The following SMC1B variants were observed in gnomAD, a reference collection of about 807,000 sequenced individuals.
SMC1B encodes the protein structural maintenance of chromosomes 1B.
Under a neutral mutation model 157.9 loss-of-function variants are expected in SMC1B, and 60 were observed. That is an observed-to-expected ratio of 0.38 (90% CI 0.31 to 0.47). The LOEUF is 0.47. Among genes scored for constraint, SMC1B ranks in the 20% least tolerant of loss-of-function variants. SMC1B has a pLI of 0.99. For synonymous variants in SMC1B, 445 were observed against 483.0 expected, an observed-to-expected ratio of 0.92 and a Z score of 1.03; for missense variants, 1,165 against 1,426.2, an observed-to-expected ratio of 0.82 and a Z score of 2.95.
intron 20 of SMC1B, 71 bp downstream of exon 20, chr22:45,354,888 T>C (rs756950357): frequency 1.7e-5 from 25 of 1,443,156 alleles, no homozygotes; most frequent in African/African-American, 2.8e-5. Context: ...AGAGGGGAGA[T>C]TGTTGGCAAA....
intron 5 of SMC1B, among the ~76,000 whole-genome samples, chr22:45,400,631 G>A (rs1308645106): frequency 1.3e-5 from 2 of 152,108 alleles, no homozygotes; most frequent in Non-Finnish European, 2.9e-5. Flanking sequence ...CCTTAAGTGT[G>A]GGCTAAGCAT....
intron 19 of SMC1B, among the ~76,000 whole-genome samples, chr22:45,358,092 T>G (rs1325723119): frequency 6.6e-6 from 1 of 152,188 alleles, no homozygotes; most frequent in East Asian, 1.9e-4. Context: ...AGCTTCCAGG[T>G]TGGTGACCAC....
intron 12 of SMC1B, among the ~76,000 whole-genome samples, chr22:45,381,329 G>A (rs1002431568): frequency 1.3e-5 from 2 of 152,012 alleles, no homozygotes; most frequent in African/African-American, 4.8e-5. Flanking sequence ...ATACCTGAGG[G>A]TCAGTAATTA....
intron 4 of SMC1B, 70 bp downstream of exon 4, chr22:45,406,390 A>G (rs1479062410): frequency 7.8e-7 from 1 of 1,276,156 alleles, no homozygotes; most frequent in East Asian, 2.3e-5. Context: ...GCCCAAGCCC[A>G]TACCTAGTGA....
chr22:45,353,923 A>AAAAAAC (rs1260500469), intron 21 of SMC1B, 55 bp downstream of exon 21: 3 of 1,036,910 alleles, frequency 2.9e-6, no homozygotes, highest in African/African-American at 1.6e-5. Context: ...AAAAAAAACA[A>AAAAAAC]CCACCACCGG....
At chr22:45,374,182 A>T (rs952890253) in intron 12 of SMC1B, among the ~76,000 whole-genome samples, 10 of 151,258 alleles carry the variant, frequency 6.6e-5, no homozygotes, top group Non-Finnish European at 1.2e-4. Flanking sequence ...TAGTCCTAGA[A>T]TAAAATGACT....
chr22:45,391,697 T>C (rs747470637), intron 9 of SMC1B, among the ~76,000 whole-genome samples: 1 of 152,188 alleles, frequency 6.6e-6, no homozygotes, highest in Non-Finnish European at 1.5e-5. Context: ...TTGTAAGGGA[T>C]TGGATGGTAG....
At chr22:45,345,425 G>T in intron 24 of SMC1B, 34 bp downstream of exon 24, 1 of 1,407,232 alleles carries the variant, frequency 7.1e-7, no homozygotes, top group Non-Finnish European at 1.0e-6. Flanking sequence ...AGTTGGCATT[G>T]GGTACACTCC....
At chr22:45,345,918 T>G (rs1012919106) in intron 23 of SMC1B, among the ~76,000 whole-genome samples, 1 of 152,072 alleles carries the variant, frequency 6.6e-6, no homozygotes, top group African/African-American at 2.4e-5. Context: ...ACGTATAACC[T>G]CCAGGCTGGG....
chr22:45,381,076 G>A (rs1324476513), intron 12 of SMC1B, among the ~76,000 whole-genome samples: 3 of 151,814 alleles, frequency 2.0e-5, no homozygotes, highest in Non-Finnish European at 2.9e-5. Context: ...GATTACAGGC[G>A]TGAGCTACCA....
At chr22:45,371,109 A>T (rs1415986508) in intron 14 of SMC1B, among the ~76,000 whole-genome samples, 1 of 152,082 alleles carries the variant, frequency 6.6e-6, no homozygotes, top group African/African-American at 2.4e-5. Flanking sequence ...TAGGTGTTTT[A>T]AAAAAAACTC....
intron 15 of SMC1B, 130 bp downstream of exon 15, chr22:45,369,824 G>A (rs896597604): frequency 6.3e-5 from 37 of 590,536 alleles, no homozygotes; most frequent in Middle Eastern, 4.6e-4. Context: ...GATTACAAGC[G>A]TAAGCCACCG....
rs2087205556 is a variant in SMC1B, at chr22:45,402,340, C to T, written c.847G>A (p.Glu283Lys). Residue 283 changes from glutamate to lysine, a missense_variant, in exon 5 of 25, where the codon GAA becomes AAA. Physicochemically the swap from Glu to Lys is moderately conservative, Grantham distance 56 (BLOSUM62 1). Transcript: ENST00000357450. ...LTRQLQQTEK[E>K]LKSVETLLNQ... is the part of the protein sequence containing the mutation. Reference sequence around the variant, plus strand: ...CTACTTTTAAAAACTCACTTTAATTCTTTTTCTGTTTGTTGTAGTTGTCTA... The same window carrying T: ...CTACTTTTAAAAACTCACTTTAATTTTTTTTCTGTTTGTTGTAGTTGTCTA... The T allele has an allele frequency of 1.9e-6, 3 of 1,607,428 alleles. No individual in the cohort carries two copies. The highest frequency in any genetic ancestry group is 2.6e-6 in the Non-Finnish European group (3 of 1,176,396).
intron 10 of SMC1B, among the ~76,000 whole-genome samples, chr22:45,388,996 AAAAAAAAAGAAAAAGAAAAAAG>A (rs1228772349): frequency 1.3e-5 from 2 of 148,200 alleles, no homozygotes; most frequent in African/African-American, 5.2e-5. Context: ...CAAAAAAAAA[AAAAAAAAAGAAAAAGAAAAAAG>A]AAAAAAAAAA....
In SMC1B at chr22:45,354,052, T is replaced by C; in HGVS notation, c.3199A>G (p.Thr1067Ala). The part of the protein sequence containing the change: ...QVKKRRYDLF[T>A]QCFEHVSISI... ...ATTGAGACATGCTCAAAACACTGGGTGAAAAGATCGTATCTCCTTTTTTTC... is the reference window on the plus strand; with the variant it reads ...ATTGAGACATGCTCAAAACACTGGGCGAAAAGATCGTATCTCCTTTTTTTC... The change falls in exon 21 of 25, where the codon ACC becomes GCC. Residue 1067 changes from threonine to alanine, a missense_variant. Physicochemically the swap from Thr to Ala is moderately conservative, Grantham distance 58 (BLOSUM62 0). Coordinates refer to ENST00000357450, the MANE Select transcript of SMC1B (RefSeq NM_148674.5). 1.2e-6 allele frequency: 2 copies of C among 1,603,854 alleles called. No homozygotes were observed. The highest frequency in any genetic ancestry group is 2.3e-5 in the South Asian group (2 of 88,652).
At chr22:45,354,639 C>A (rs1017461444) in intron 20 of SMC1B, among the ~76,000 whole-genome samples, 1 of 152,144 alleles carries the variant, frequency 6.6e-6, no homozygotes, top group Non-Finnish European at 1.5e-5. Flanking sequence ...GATCCGCCCA[C>A]CTCAGCCTCC....
chr22:45,372,155 C>A lies in SMC1B; in HGVS notation c.2196G>T (p.Gln732His). The change falls in exon 13 of 25, where the codon CAG becomes CAT. Residue 732 changes from glutamine to histidine, a missense_variant and splice_region_variant. Coordinates refer to ENST00000357450, the MANE Select transcript of SMC1B (RefSeq NM_148674.5). ...CATATTTTATGTAAGTCTATATTAC[C>A]TGGTAAAAAGCAACAAGGTGCTTCT... ...IKKKHLVAFY[Q>H]EQSQLQSELL... 1 of 1,599,376 alleles carries A rather than the reference C, an allele frequency of 6.3e-7. No individual in the cohort carries two copies. Among genetic ancestry groups the A allele is most frequent in the Admixed American group, 1.8e-5 (1 of 56,860 alleles).
chr22:45,385,194 T>C (rs973062120), intron 11 of SMC1B, among the ~76,000 whole-genome samples: 2 of 152,154 alleles, frequency 1.3e-5, no homozygotes, highest in Admixed American at 1.3e-4. Context: ...AAAAACTGAG[T>C]TATCACTAAA....
chr22:45,354,361 GGTAT>G (rs376322847), intron 20 of SMC1B, among the ~76,000 whole-genome samples: 3 of 151,116 alleles, frequency 2.0e-5, no homozygotes, highest in Non-Finnish European at 4.4e-5. Context: ...GTTCTGATAG[GGTAT>G]GTATGTATGT....
Sources: allele counts gnomAD v4.1 joint callset (sites outside exome capture counted in the v4.1 genomes callset), GRCh38; gene constraint gnomAD v4.1.1; transcripts MANE v1.5; gene names NCBI Gene and HGNC (gene_info 2026-07-23, HGNC 2026-07-21).